PCDHA5: variants seen among roughly 807,000 people sequenced by gnomAD.
PCDHA5 encodes the protein protocadherin alpha-5.
In PCDHA5, 43 loss-of-function variants were observed where a neutral mutation model predicts 61.6. The ratio of observed to expected loss-of-function variants is 0.70; its 90% confidence interval spans 0.55 to 0.90. The LOEUF (loss-of-function observed/expected upper bound fraction) is 0.90. PCDHA5 is among the 40% of genes least tolerant of loss of function. The probability of loss-of-function intolerance (pLI) is 0.00; values close to 1 mark genes in which losing one functional copy is unlikely to be tolerated. For missense variants in PCDHA5, 1,298 were observed against 1,222.7 expected (o/e 1.06, Z -0.92); for synonymous variants, 627 against 543.9 (o/e 1.15, Z -2.13).
chr5:140,973,582 T>C lies in PCDHA5; in HGVS notation c.2353-5367T>C, dbSNP rs76146918. Among the ~76,000 whole-genome samples the C allele has an allele frequency of 4.6e-3, 708 of 152,364 alleles. 4 individuals are homozygous for C. The highest frequency in any genetic ancestry group is 0.016 in the African/African-American group (685 of 41,596). On this transcript the variant is annotated intron_variant, in intron 1 of 3. Coordinates refer to ENST00000529859, the MANE Select transcript of PCDHA5 (RefSeq NM_018908.3). ...TTTCCTCAATTTTTCTACAGACTGC[T>C]GAGCCAGATGGAATTATGGCTGAGC...
intron 1 of PCDHA5, 22 bp from the exon 2 acceptor site, chr5:140,978,924 GAAA>G (rs781894146): frequency 6.2e-7 from 1 of 1,614,012 alleles, no homozygotes; most frequent in East Asian, 2.2e-5. Flanking sequence ...CATTTTAACA[GAAA>G]ACTCTCTTTG....
In PCDHA5 at chr5:140,869,069, A is replaced by G. The variant is rs781835431; in HGVS notation, c.2352+44942A>G. 4 of 1,572,072 alleles carry G rather than the reference A, an allele frequency of 2.5e-6. No individual in the cohort carries two copies. The East Asian group carries it at 9.0e-5, about 35-fold the overall frequency. ...CTGAAGAATCTGGTACTGTAAGTGT[A>G]AAGAAGCTTATTTTGGAAGCCAATT... On this transcript the variant is annotated intron_variant, in intron 1 of 3. Coordinates refer to ENST00000529859, the MANE Select transcript of PCDHA5 (RefSeq NM_018908.3).
intron 1 of PCDHA5, chr5:140,881,430 T>G: frequency 1.1e-6 from 1 of 889,582 alleles, no homozygotes; most frequent in Non-Finnish European, 1.3e-6. Flanking sequence ...TCCAGGCATA[T>G]TTTATAAAAA....
In PCDHA5 at chr5:140,915,928, T is replaced by C. The variant is rs141949892; in HGVS notation, c.2353-63021T>C. ...CAGGCCCAGAGATGCTACTTGGGAG[T>C]CAGGGATTGGAGTCAAAATACTTAG... On this transcript the variant is annotated intron_variant, in intron 1 of 3. Coordinates refer to ENST00000529859, the MANE Select transcript of PCDHA5 (RefSeq NM_018908.3). Among the ~76,000 whole-genome samples the C allele has an allele frequency of 8.0e-3, 1,213 of 151,944 alleles. 5 individuals carry two copies. The highest frequency in any genetic ancestry group is 0.019 in the African/African-American group (783 of 41,424).
intron 1 of PCDHA5, among the ~76,000 whole-genome samples, chr5:140,909,493 G>T (rs989826667): frequency 6.6e-6 from 1 of 152,184 alleles, no homozygotes; most frequent in African/African-American, 2.4e-5. Context: ...AGAGCTGAAC[G>T]GGGATGTGGT....
intron 1 of PCDHA5, chr5:140,828,911 A>T (rs2150160742): frequency 6.2e-7 from 1 of 1,614,128 alleles, no homozygotes; most frequent in Non-Finnish European, 8.5e-7. Context: ...TGAAGGAGCG[A>T]ATGGGGCAAT....
chr5:140,940,305 A>G (rs2092590184), intron 1 of PCDHA5, among the ~76,000 whole-genome samples: 1 of 152,126 alleles, frequency 6.6e-6, no homozygotes, highest in Non-Finnish European at 1.5e-5. Flanking sequence ...GTAATTTATT[A>G]TCTTTCTTCC....
Position 140,993,462 on chromosome 5 carries a change from T to A in PCDHA5, c.2500+10899T>A, listed in dbSNP as rs540334246. Among the ~76,000 whole-genome samples, 1,220 of 141,042 alleles carry A rather than the reference T, an allele frequency of 8.6e-3. 14 individuals carry two copies. The highest frequency in any genetic ancestry group is 0.02 in the African/African-American group (760 of 37,958). 92.5% of individuals were successfully genotyped at this position (141,042 alleles called of 152,430 possible). A position where few individuals can be genotyped will look rare whatever the true frequency, so the allele number is the denominator to read the frequency against. On this transcript the variant is annotated intron_variant, in intron 3 of 3. Coordinates refer to ENST00000529859, the MANE Select transcript of PCDHA5 (RefSeq NM_018908.3). ...CATTCCTGTTCTCCTTCTTTCTTTC[T>A]CACACACACACACACACACACACAC...
At chr5:140,893,498 A>G (rs1471386820) in intron 1 of PCDHA5, among the ~76,000 whole-genome samples, 2 of 151,410 alleles carry the variant, frequency 1.3e-5, no homozygotes, top group Admixed American at 6.6e-5. Flanking sequence ...CACAAAAAAG[A>G]AAAAAAAAGC....
intron 1 of PCDHA5, chr5:140,927,232 G>A (rs1554204208): frequency 6.2e-7 from 1 of 1,614,104 alleles, no homozygotes; most frequent in African/African-American, 1.3e-5. Flanking sequence ...TCGGATTCAC[G>A]TCCTGGACAC....
chr5:140,983,221 A>G (rs1178098444), intron 3 of PCDHA5, among the ~76,000 whole-genome samples: 1 of 152,196 alleles, frequency 6.6e-6, no homozygotes, highest in Non-Finnish European at 1.5e-5. Context: ...TCCTAATCCA[A>G]ACTTTCAGGA....
In PCDHA5 at chr5:140,852,899, G is replaced by A; in HGVS notation, c.2352+28772G>A. On this transcript the variant is annotated intron_variant, in intron 1 of 3. Transcript: ENST00000529859. ...TCATAAAACGTATTTTTTTTTTTGA[G>A]TCAGAGTCTCGCTCTGTTGCCCAGG... 4.8e-6 allele frequency: 4 copies of A among 840,714 alleles called. 1 individual carries two copies. Among genetic ancestry groups the A allele is most frequent in the Non-Finnish European group, 5.8e-6 (4 of 685,948 alleles). The allele number at this position is 840,714 out of a possible 1,614,324, so 52.1% of individuals were successfully genotyped here.
chr5:140,865,215 T>C (rs2048774441), intron 1 of PCDHA5: 1 of 152,214 alleles, frequency 6.6e-6, no homozygotes, highest in Admixed American at 6.5e-5. Flanking sequence ...TTGCTTTCTT[T>C]AAAGGGATCC....
chr5:140,906,680 C>T (rs2072848945), intron 1 of PCDHA5, among the ~76,000 whole-genome samples: 2 of 152,166 alleles, frequency 1.3e-5, no homozygotes, highest in Admixed American at 6.5e-5. Context: ...AACCTTCATT[C>T]CTGAAGGATC....
At chr5:140,871,955 G>C in intron 1 of PCDHA5, among the ~76,000 whole-genome samples, 1 of 152,196 alleles carries the variant, frequency 6.6e-6, no homozygotes, top group East Asian at 1.9e-4. Flanking sequence ...TTTCTAAAGG[G>C]AGGAGGTCTT....
chr5:140,979,807 A>T (rs376087021), intron 2 of PCDHA5, among the ~76,000 whole-genome samples: 2 of 152,258 alleles, frequency 1.3e-5, no homozygotes, highest in African/African-American at 4.8e-5. Flanking sequence ...CACAACTATC[A>T]AAAGGATTTA....
chr5:141,000,395 C>CTCTATA (rs1213762225), intron 3 of PCDHA5, among the ~76,000 whole-genome samples: 3 of 53,980 alleles, frequency 5.6e-5, no homozygotes, highest in East Asian at 6.1e-4. Flanking sequence ...CTCTCTCTCT[C>CTCTATA]TATATATATA....
intron 1 of PCDHA5, chr5:140,857,630 G>A (rs1554150395): frequency 6.3e-7 from 1 of 1,596,610 alleles, no homozygotes; most frequent in African/African-American, 1.3e-5. Flanking sequence ...CGAGGAGCTG[G>A]AGCTGCTACA....
At chr5:140,968,094 A>T in intron 1 of PCDHA5, 1 of 1,614,138 alleles carries the variant, frequency 6.2e-7, no homozygotes, top group Non-Finnish European at 8.5e-7. Flanking sequence ...ACAGCCACAG[A>T]TGGGGGAATA....
Sources: allele counts gnomAD v4.1 joint callset (sites outside exome capture counted in the v4.1 genomes callset), GRCh38; gene constraint gnomAD v4.1.1; transcripts MANE v1.5; gene names NCBI Gene and HGNC (gene_info 2026-07-23, HGNC 2026-07-21).